The following HECW1 variants were observed in gnomAD, a reference collection of about 807,000 sequenced individuals.
HECW1 encodes E3 ubiquitin-protein ligase HECW1.
A neutral mutation model predicts 182.3 loss-of-function variants in HECW1; 61 were observed. That is an observed-to-expected ratio of 0.33 (90% CI 0.27 to 0.41). The LOEUF is 0.41. HECW1 is among the 10% of genes least tolerant of loss of function. The pLI is 1.00. For synonymous variants in HECW1, 859 were observed against 832.6 expected, an observed-to-expected ratio of 1.03 and a Z score of -0.55; for missense variants, 1,739 against 2,108.9, an observed-to-expected ratio of 0.82 and a Z score of 3.44.
chr7:43,157,366 T>TA (rs1047097068), intron 2 of HECW1, among the ~76,000 whole-genome samples: 2 of 151,308 alleles, frequency 1.3e-5, no homozygotes, highest in African/African-American at 2.4e-5. Flanking sequence ...GACCAAAGTA[T>TA]AAAAAAAAAG....
At chr7:43,520,979 G>T (rs541680156) in intron 24 of HECW1, among the ~76,000 whole-genome samples, 9 of 152,330 alleles carry the variant, frequency 5.9e-5, no homozygotes, top group Non-Finnish European at 1.2e-4. Context: ...GCACCCTTCA[G>T]GTCCTGAGGC....
chr7:43,328,837 A>G (rs549584490), intron 5 of HECW1, among the ~76,000 whole-genome samples: 2 of 152,352 alleles, frequency 1.3e-5, no homozygotes, highest in East Asian at 1.9e-4. Flanking sequence ...TAAAGGGTCA[A>G]GGCCCTATTA....
intron 16 of HECW1, among the ~76,000 whole-genome samples, chr7:43,475,755 T>G (rs985731133): frequency 1.3e-5 from 2 of 151,950 alleles, no homozygotes; most frequent in Admixed American, 6.6e-5. Flanking sequence ...TAGAGACAGG[T>G]TTTCGCCATG....
chr7:43,285,107 C>T (rs945851588), intron 3 of HECW1, among the ~76,000 whole-genome samples: 2 of 151,546 alleles, frequency 1.3e-5, no homozygotes, highest in Admixed American at 6.6e-5. Context: ...TTAAAAAGAG[C>T]AAGTCTTACT....
At chr7:43,460,687 G>A (rs552203819) in intron 13 of HECW1, among the ~76,000 whole-genome samples, 1 of 152,240 alleles carries the variant, frequency 6.6e-6, no homozygotes, top group Admixed American at 6.5e-5. Context: ...GATATTGATG[G>A]ATAATTCCTA....
intron 3 of HECW1, among the ~76,000 whole-genome samples, chr7:43,281,552 C>T (rs370740209): frequency 4.6e-5 from 7 of 152,266 alleles, no homozygotes; most frequent in African/African-American, 1.2e-4. Context: ...CAAGCTCTTT[C>T]AAGTCTGTAG....
chr7:43,508,873 C>A, intron 23 of HECW1, 96 bp from the exon 24 acceptor site: 1 of 1,336,786 alleles, frequency 7.5e-7, no homozygotes, highest in South Asian at 1.4e-5. Flanking sequence ...TTCCCCAGCA[C>A]CCAACTCTGA....
intron 13 of HECW1, among the ~76,000 whole-genome samples, chr7:43,457,475 T>C (rs1402072688): frequency 1.3e-5 from 2 of 152,204 alleles, no homozygotes; most frequent in African/African-American, 2.4e-5. Flanking sequence ...AATTTAGTCC[T>C]ATTAAAAACA....
chr7:43,214,910 C>T (rs1310316582), intron 2 of HECW1, among the ~76,000 whole-genome samples: 3 of 152,186 alleles, frequency 2.0e-5, no homozygotes, highest in African/African-American at 7.2e-5. Flanking sequence ...TGGGAGGCAG[C>T]GGGTGAGGGG....
chr7:43,298,586 A>C (rs981053567), intron 3 of HECW1, among the ~76,000 whole-genome samples: 3 of 152,222 alleles, frequency 2.0e-5, no homozygotes, highest in Non-Finnish European at 2.9e-5. Context: ...GCAAAGCCCT[A>C]GTCTTGCAGT....
intron 5 of HECW1, among the ~76,000 whole-genome samples, chr7:43,359,785 T>C (rs1815638460): frequency 6.6e-6 from 1 of 152,224 alleles, no homozygotes; most frequent in African/African-American, 2.4e-5. Flanking sequence ...TGAGAAAAAA[T>C]ATCTCAAATT....
intron 2 of HECW1, among the ~76,000 whole-genome samples, chr7:43,214,965 AG>A (rs1584006471): frequency 1.3e-5 from 2 of 152,244 alleles, no homozygotes; most frequent in African/African-American, 4.8e-5. Context: ...GACCCTGGCC[AG>A]GAAGAGCAAA....
chr7:43,431,284 C>T (rs1052746427), intron 8 of HECW1, among the ~76,000 whole-genome samples: 1 of 152,152 alleles, frequency 6.6e-6, no homozygotes, highest in African/African-American at 2.4e-5. Context: ...CTTCCATGCC[C>T]AGGCCTCTAT....
intron 3 of HECW1, among the ~76,000 whole-genome samples, chr7:43,280,100 T>A (rs1803695922): frequency 2.0e-5 from 3 of 152,168 alleles, no homozygotes; most frequent in Non-Finnish European, 4.4e-5. Flanking sequence ...GATCCTCTGA[T>A]AAATCTCTGT....
chr7:43,552,678 C>T (rs1326226764), intron 28 of HECW1, among the ~76,000 whole-genome samples: 1 of 152,176 alleles, frequency 6.6e-6, no homozygotes, highest in Non-Finnish European at 1.5e-5. Flanking sequence ...TGTAGTCTTT[C>T]GTGTCTGGCT....
chr7:43,371,883 G>A (rs914505260), intron 6 of HECW1, among the ~76,000 whole-genome samples: 20 of 152,106 alleles, frequency 1.3e-4, no homozygotes, highest in Non-Finnish European at 4.4e-5. Context: ...GCAATGGCAC[G>A]GTCTCGGCTC....
At chr7:43,431,141 A>T (rs1453809485) in intron 8 of HECW1, among the ~76,000 whole-genome samples, 1 of 152,052 alleles carries the variant, frequency 6.6e-6, no homozygotes. Context: ...TACATGAATG[A>T]CTCATAGTTT....
At chr7:43,113,257 C>T (rs1784777106) in intron 1 of HECW1, among the ~76,000 whole-genome samples, 1 of 152,168 alleles carries the variant, frequency 6.6e-6, no homozygotes, top group African/African-American at 2.4e-5. Context: ...CCTCAGCGCC[C>T]TCCCAGTGGC....
intron 3 of HECW1, among the ~76,000 whole-genome samples, chr7:43,284,770 C>T (rs1232358082): frequency 2.0e-5 from 3 of 152,046 alleles, no homozygotes; most frequent in Non-Finnish European, 2.9e-5. Context: ...GGTACATTTA[C>T]AAGTATTATT....
Sources: allele counts gnomAD v4.1 joint callset (sites outside exome capture counted in the v4.1 genomes callset), GRCh38; gene constraint gnomAD v4.1.1; transcripts MANE v1.5; gene names NCBI Gene and HGNC (gene_info 2026-07-23, HGNC 2026-07-21).